GBP6: variants seen among roughly 807,000 people sequenced by gnomAD.
GBP6 encodes guanylate-binding protein 6.
A neutral mutation model predicts 61.5 loss-of-function variants in GBP6; 54 were observed. The ratio of observed to expected loss-of-function variants is 0.88; its 90% CI spans 0.71 to 1.10. The LOEUF is 1.10. Ranked by LOEUF, GBP6 falls within the 50% of genes least tolerant of loss-of-function variation. The pLI, the probability that GBP6 is intolerant of heterozygous loss-of-function variation, is 0.00. For missense variants in GBP6, 748 were observed against 752.8 expected (o/e 0.99, Z 0.07); for synonymous variants, 255 against 273.7 (o/e 0.93, Z 0.67).
At chr1:89,379,652 G>T (rs1462776447) in intron 5 of GBP6, among the ~76,000 whole-genome samples, 1 of 151,974 alleles carries the variant, frequency 6.6e-6, no homozygotes, top group Non-Finnish European at 1.5e-5. Flanking sequence ...TGTTTTAATG[G>T]GTTACATTTA....
intron 1 of GBP6, 27 bp downstream of exon 1, chr1:89,364,154 C>T (rs1421099250): frequency 6.6e-6 from 1 of 152,240 alleles, no homozygotes; most frequent in Non-Finnish European, 1.5e-5. Context: ...TTAAATGCAA[C>T]TTAGTTCCTA....
At chr1:89,377,126 C>A (rs1204024046) in intron 3 of GBP6, among the ~76,000 whole-genome samples, 1 of 152,138 alleles carries the variant, frequency 6.6e-6, no homozygotes, top group Non-Finnish European at 1.5e-5. Flanking sequence ...GTTACACATG[C>A]TTTTTAGGAT....
rs2100668823 is a variant in GBP6, at chr1:89,378,573, A to G, written c.585A>G (p.Thr195=). 6.2e-7 allele frequency: 1 copy of G among 1,613,542 alleles called. No individual in the cohort carries two copies. The change falls in exon 5 of 11, where the codon ACA becomes ACG. Residue 195 remains threonine, a synonymous_variant. Coordinates refer to ENST00000370456, the MANE Select transcript of GBP6 (RefSeq NM_198460.3). ...TGAAGTTGAACGGTCACCCTATCACAGAAGATGAATACCTGGAGAATGCCT... is the reference window on the plus strand; with the variant it reads ...TGAAGTTGAACGGTCACCCTATCACGGAAGATGAATACCTGGAGAATGCCT... ...LELKLNGHPI[T]EDEYLENALK...
In GBP6 at chr1:89,364,988, C is replaced by T. The variant is rs1235864550; in HGVS notation, c.-24+861C>T. On this transcript the variant is annotated intron_variant, in intron 1 of 10. Coordinates refer to ENST00000370456, the MANE Select transcript of GBP6 (RefSeq NM_198460.3). Reference sequence around the variant, plus strand: ...GACAGGCCCCAGTGTGTGAGTTTCCCACCCCCACCCCCAGCGCCAACCCCC... The same window carrying T: ...GACAGGCCCCAGTGTGTGAGTTTCCTACCCCCACCCCCAGCGCCAACCCCC... Among the ~76,000 whole-genome samples the T allele has an allele frequency of 2.7e-5, 4 of 146,148 alleles. No individual in the cohort carries two copies. In the East Asian group the frequency reaches 8.1e-4, roughly 30 times the overall value.
intron 1 of GBP6, among the ~76,000 whole-genome samples, chr1:89,366,365 C>T (rs1355568446): frequency 6.6e-6 from 1 of 152,176 alleles, no homozygotes; most frequent in Non-Finnish European, 1.5e-5. Flanking sequence ...TCTGGACATT[C>T]TCCTGCTTCC....
In GBP6 at chr1:89,385,638, A is replaced by G. The variant is rs370799614; in HGVS notation, c.*169A>G. ...AACCTCTGCCTCCTGGGTTCAAGAG[A>G]TTCACCTGCCTCAGCCCCCTAGTAG... On this transcript the variant is annotated 3_prime_UTR_variant, in exon 11 of 11. Coordinates refer to ENST00000370456, the MANE Select transcript of GBP6 (RefSeq NM_198460.3). 1.7e-5 allele frequency: 10 copies of G among 605,152 alleles called. No homozygotes were observed. In the East Asian group the frequency reaches 2.0e-4, roughly 12 times the overall value. 37.5% of individuals were successfully genotyped at this position (605,152 alleles called of 1,614,324 possible). A position where few individuals can be genotyped will look rare whatever the true frequency, so the allele number is the denominator to read the frequency against.
chr1:89,368,938 A>G lies in GBP6; in HGVS notation c.190+197A>G, dbSNP rs1319519991. ...TTTTTTCCCTCATTCCCATTAAGGAAACTCTACATTACTAGTGCCCAGAAT... is the reference window on the plus strand; with the variant it reads ...TTTTTTCCCTCATTCCCATTAAGGAGACTCTACATTACTAGTGCCCAGAAT... On this transcript the variant is annotated intron_variant, in intron 2 of 10. Transcript: ENST00000370456. Among the ~76,000 whole-genome samples, 3 of 152,174 alleles carry G rather than the reference A, an allele frequency of 2.0e-5. No individual in the cohort carries two copies. The South Asian group carries it at 6.2e-4, about 32-fold the overall frequency.
chr1:89,384,435 T>C, intron 10 of GBP6, 149 bp downstream of exon 10: 1 of 619,530 alleles, frequency 1.6e-6, no homozygotes, highest in Non-Finnish European at 2.8e-6. Flanking sequence ...CTTTTTTTCT[T>C]AATTGTTTCA....
chr1:89,383,664 T>G lies in GBP6; in HGVS notation c.1378T>G (p.Phe460Val). 6.2e-7 allele frequency: 1 copy of G among 1,607,794 alleles called. No individual in the cohort carries two copies. The highest frequency in any genetic ancestry group is 8.5e-7 in the Non-Finnish European group (1 of 1,178,232). Residue 460 changes from phenylalanine to valine, a missense_variant, in exon 9 of 11, where the codon TTC (phenylalanine) becomes GTC (valine). By Grantham distance (50) the Phe-to-Val change is conservative. Transcript: ENST00000370456. ...PRKGVKAKEV[F>V]QRFLESQMVI... ...CTTCCTTCCATAGGCAAAAGAGGTC[T>G]TCCAGAGGTTCCTGGAGTCACAGAT...
chr1:89,385,677 T>G lies in GBP6; in HGVS notation c.*208T>G, dbSNP rs1653123678. On this transcript the variant is annotated 3_prime_UTR_variant, in exon 11 of 11. Coordinates refer to ENST00000370456, the MANE Select transcript of GBP6 (RefSeq NM_198460.3). Reference sequence around the variant, plus strand: ...GCCCCCTAGTAGCTGGGATTATAGGTGTACACCACCACACCCAGCTAATTT... The same window carrying G: ...GCCCCCTAGTAGCTGGGATTATAGGGGTACACCACCACACCCAGCTAATTT... 4.1e-6 allele frequency: 2 copies of G among 487,136 alleles called. No individual in the cohort carries two copies. Among genetic ancestry groups the G allele is most frequent in the South Asian group, 5.5e-5 (2 of 36,484 alleles). The allele number at this position is 487,136 out of a possible 1,614,324, so 30.2% of individuals were successfully genotyped here. A position where few individuals can be genotyped will look rare whatever the true frequency, so the allele number is the denominator to read the frequency against.
At chr1:89,364,837 T>C (rs1456563599) in intron 1 of GBP6, among the ~76,000 whole-genome samples, 1 of 151,426 alleles carries the variant, frequency 6.6e-6, no homozygotes. Flanking sequence ...ATAAAAAAGA[T>C]TTTTTTAAAA....
intron 3 of GBP6, 136 bp downstream of exon 3, chr1:89,369,809 T>C: frequency 9.8e-7 from 1 of 1,024,552 alleles, no homozygotes; most frequent in East Asian, 2.7e-5. Context: ...TGAATCACAC[T>C]TCTAGACAAG....
rs114479901 is a variant in GBP6 at position 89,379,115 on chromosome 1, C to T, written c.625+502C>T. The stretch of plus-strand genomic sequence containing the variant: ...AGTTCTGCAGGCTGTACAAGCATGG[C>T]ACCAGCATCTGCTTCTAGTCAGGAC... On this transcript the variant is annotated intron_variant, in intron 5 of 10. Coordinates refer to ENST00000370456, the MANE Select transcript of GBP6 (RefSeq NM_198460.3). 3.0e-3 allele frequency among the ~76,000 whole-genome samples: 460 copies of T among 152,208 alleles called. 1 individual carries two copies. Among genetic ancestry groups the T allele is most frequent in the African/African-American group, 0.011 (441 of 41,528 alleles).
chr1:89,368,749 G>A lies in GBP6; in HGVS notation c.190+8G>A. The A allele has an allele frequency of 1.9e-6, 3 of 1,608,504 alleles. No individual in the cohort carries two copies. The highest frequency in any genetic ancestry group is 1.7e-6 in the Non-Finnish European group (2 of 1,175,886). Reference sequence around the variant, plus strand: ...TGGCAGGACAGAATCATGGTAAGTGGTATCCTGGGACACAGGCCAGTTGCT... The same window carrying A: ...TGGCAGGACAGAATCATGGTAAGTGATATCCTGGGACACAGGCCAGTTGCT... On this transcript the variant is annotated splice_region_variant and intron_variant, in intron 2 of 10. Transcript: ENST00000370456.
rs1194221937 is a variant in GBP6 at position 89,378,138 on chromosome 1, G to T, written c.354G>T (p.Leu118=). ...DPKNDSWIFA[L]AVLLCSTFVY... ...AGAATGACTCCTGGATCTTTGCCCT[G>T]GCTGTGCTCCTGTGCAGCACCTTTG... The change falls in exon 4 of 11, where the codon CTG becomes CTT. Residue 118 remains leucine, a synonymous_variant. Transcript: ENST00000370456. 6.2e-7 allele frequency: 1 copy of T among 1,613,158 alleles called. No homozygotes were observed. The highest frequency in any genetic ancestry group is 8.5e-7 in the Non-Finnish European group (1 of 1,179,748).
chr1:89,378,670 A>C (rs1030671613), intron 5 of GBP6, 57 bp downstream of exon 5: 16 of 1,307,576 alleles, frequency 1.2e-5, no homozygotes, highest in Non-Finnish European at 1.6e-5. Context: ...TCTGCTAAAC[A>C]CTGCCCATCA....
chr1:89,378,638 G>A, intron 5 of GBP6, 25 bp downstream of exon 5: 1 of 1,582,600 alleles, frequency 6.3e-7, no homozygotes, highest in Non-Finnish European at 8.6e-7. Context: ...CCTGGGCTGT[G>A]GGTGGTCCAC....
rs2100678726 is a variant in GBP6 at position 89,386,431 on chromosome 1, A to G, written c.*962A>G. On this transcript the variant is annotated 3_prime_UTR_variant, in exon 11 of 11. Transcript: ENST00000370456. ...TGTAAGAGACAATGCTAATAATGATAACAATAAAAAAATAGTGAAATTGGC... is the reference window on the plus strand; with the variant it reads ...TGTAAGAGACAATGCTAATAATGATGACAATAAAAAAATAGTGAAATTGGC... 6.6e-6 allele frequency: 1 copy of G among 152,342 alleles called. No individual in the cohort carries two copies. Among genetic ancestry groups the G allele is most frequent in the Middle Eastern group, 3.4e-3 (1 of 294 alleles). The allele number at this position is 152,342 out of a possible 1,614,324, so 9.4% of individuals were successfully genotyped here. A position where few individuals can be genotyped will look rare whatever the true frequency, so the allele number is the denominator to read the frequency against.
chr1:89,373,685 G>C (rs1652713208), intron 3 of GBP6, among the ~76,000 whole-genome samples: 1 of 152,118 alleles, frequency 6.6e-6, no homozygotes. Flanking sequence ...GGAGCAGGGA[G>C]GGATAGCATT....
Sources: gnomAD v4.1 joint callset for allele counts (sites outside exome capture counted in the v4.1 genomes callset) on GRCh38, gnomAD v4.1.1 for gene constraint, MANE v1.5 for transcripts, NCBI Gene and HGNC (gene_info 2026-07-23, HGNC 2026-07-21) for gene names.